KCNIP3: variants seen among roughly 807,000 people sequenced by gnomAD.
KCNIP3 encodes potassium voltage-gated channel interacting protein 3.
Under a neutral mutation model 35.0 loss-of-function variants are expected in KCNIP3, and 28 were observed. That is an observed-to-expected ratio of 0.80 (90% confidence interval 0.59 to 1.10). The LOEUF (loss-of-function observed/expected upper bound fraction) is 1.10. Ranked by LOEUF, KCNIP3 falls within the 50% of genes least tolerant of loss-of-function variation. The pLI is 0.00. For missense variants in KCNIP3, 295 were observed against 338.4 expected (o/e 0.87, Z 1.01); for synonymous variants, 134 against 133.8 (o/e 1.00, Z -0.01).
At chr2:95,379,809 T>C (rs1179474525) in intron 5 of KCNIP3, among the ~76,000 whole-genome samples, 2 of 152,196 alleles carry the variant, frequency 1.3e-5, no homozygotes, top group African/African-American at 4.8e-5. Context: ...CCGATTTTGC[T>C]TTTTCTGTTT....
At chr2:95,381,326 T>C (rs919940443) in intron 5 of KCNIP3, among the ~76,000 whole-genome samples, 2 of 151,660 alleles carry the variant, frequency 1.3e-5, no homozygotes, top group Non-Finnish European at 2.9e-5. Context: ...CACATACAGA[T>C]GCACACCCTC....
intron 2 of KCNIP3, among the ~76,000 whole-genome samples, chr2:95,350,604 G>A (rs1679490676): frequency 6.6e-6 from 1 of 152,196 alleles, no homozygotes; most frequent in South Asian, 2.1e-4. Context: ...CGGAGCAGCA[G>A]GGGTGGGGGC....
chr2:95,375,879 T>C (rs1178932293), intron 5 of KCNIP3, among the ~76,000 whole-genome samples: 1 of 152,228 alleles, frequency 6.6e-6, no homozygotes, highest in African/African-American at 2.4e-5. Context: ...GGAAAACCTT[T>C]CTGAGAGCCG....
intron 2 of KCNIP3, among the ~76,000 whole-genome samples, chr2:95,371,477 C>T (rs1680040285): frequency 6.6e-6 from 1 of 152,164 alleles, no homozygotes; most frequent in Non-Finnish European, 1.5e-5. Flanking sequence ...TTGGTAACCT[C>T]AGGATATGCT....
At chr2:95,331,527 C>T (rs929679118) in intron 2 of KCNIP3, among the ~76,000 whole-genome samples, 16 of 152,096 alleles carry the variant, frequency 1.1e-4, no homozygotes, top group African/African-American at 2.9e-4. Context: ...GCCAAAAGAC[C>T]GAGCAGAAGA....
chr2:95,307,976 C>T lies in KCNIP3; in HGVS notation c.16-2379C>T, dbSNP rs2104206112. On this transcript the variant is annotated intron_variant, in intron 1 of 8. Transcript: ENST00000295225. Reference sequence around the variant, plus strand: ...TAATGGAGAAAGTGCGTTTCTGACCCAGCCTGACAGGACGTGTGTGTGCAT... The same window carrying T: ...TAATGGAGAAAGTGCGTTTCTGACCTAGCCTGACAGGACGTGTGTGTGCAT... 1.3e-5 allele frequency among the ~76,000 whole-genome samples: 2 copies of T among 152,336 alleles called. 1 individual carries two copies. The highest frequency in any genetic ancestry group is 4.1e-4 in the South Asian group (2 of 4,830).
At chr2:95,353,444 C>T (rs1389566828) in intron 2 of KCNIP3, among the ~76,000 whole-genome samples, 1 of 152,210 alleles carries the variant, frequency 6.6e-6, no homozygotes, top group Non-Finnish European at 1.5e-5. Context: ...TCCTGACCCG[C>T]AGGCCCTGCC....
chr2:95,333,511 A>G (rs1678983478), intron 2 of KCNIP3, among the ~76,000 whole-genome samples: 1 of 152,154 alleles, frequency 6.6e-6, no homozygotes. Context: ...CTAGCCTCGA[A>G]GAAGGGAATG....
rs1216072070 is a variant in KCNIP3, at chr2:95,377,761, C to A, written c.447+2553C>A. Among the ~76,000 whole-genome samples, 1 of 152,226 alleles carries A rather than the reference C, an allele frequency of 6.6e-6. No homozygotes were observed. The highest frequency in any genetic ancestry group is 1.5e-5 in the Non-Finnish European group (1 of 68,046). On this transcript the variant is annotated intron_variant, in intron 5 of 8. Transcript: ENST00000295225. The surrounding 1 kb of genome is among the most constrained non-coding windows in gnomAD (Gnocchi z 4.7). ...CCAGTGGCCTAACAGGACATTCCCA[C>A]CATCTCCTAGTACTGTCACTACTGT... is the stretch of plus-strand genomic sequence containing the variant.
intron 2 of KCNIP3, among the ~76,000 whole-genome samples, chr2:95,348,553 A>T (rs548449768): frequency 2.0e-5 from 3 of 152,326 alleles, no homozygotes; most frequent in Admixed American, 2.0e-4. Context: ...AGCCAGCCTC[A>T]CTTCACTTAG....
chr2:95,354,707 T>TG (rs1205786374), intron 2 of KCNIP3, among the ~76,000 whole-genome samples: 4 of 152,206 alleles, frequency 2.6e-5, no homozygotes, highest in Non-Finnish European at 5.9e-5. Context: ...AAGGTGACCT[T>TG]GGGGCCTGTT....
intron 2 of KCNIP3, among the ~76,000 whole-genome samples, chr2:95,323,714 GT>G (rs1217014122): frequency 6.6e-6 from 1 of 152,144 alleles, no homozygotes; most frequent in African/African-American, 2.4e-5. Flanking sequence ...CTTCCAGGAT[GT>G]GTCCTGGCTC....
chr2:95,374,284 G>A lies in KCNIP3; in HGVS notation c.182-12G>A. ...ACAGGCCTTACACTCTCTGGTCTGT[G>A]TCCCACTCCAGATAGCAGCGACAGT... On this transcript the variant is annotated splice_polypyrimidine_tract_variant and intron_variant, in intron 2 of 8. Coordinates refer to ENST00000295225, the MANE Select transcript of KCNIP3 (RefSeq NM_013434.5). The A allele has an allele frequency of 6.2e-7, 1 of 1,613,222 alleles. No homozygotes were observed. Among genetic ancestry groups the A allele is most frequent in the East Asian group, 2.2e-5 (1 of 44,860 alleles).
intron 2 of KCNIP3, among the ~76,000 whole-genome samples, chr2:95,371,600 C>A (rs1209182088): frequency 1.3e-5 from 2 of 152,126 alleles, no homozygotes; most frequent in African/African-American, 2.4e-5. Flanking sequence ...ATACCATTTA[C>A]TGGAAAGGGG....
chr2:95,314,437 G>A (rs1678402151), intron 2 of KCNIP3, among the ~76,000 whole-genome samples: 2 of 152,148 alleles, frequency 1.3e-5, no homozygotes, highest in South Asian at 4.1e-4. Flanking sequence ...ACAAAGATGT[G>A]GCTGAGTCCT....
intron 2 of KCNIP3, among the ~76,000 whole-genome samples, chr2:95,349,184 A>G (rs1055039858): frequency 1.4e-4 from 21 of 151,928 alleles, no homozygotes; most frequent in African/African-American, 5.1e-4. Context: ...GGAAGCTCCC[A>G]TTGGCCAGGC....
intron 2 of KCNIP3, among the ~76,000 whole-genome samples, chr2:95,365,308 T>A (rs1679891931): frequency 6.6e-6 from 1 of 152,040 alleles, no homozygotes; most frequent in Non-Finnish European, 1.5e-5. Context: ...ATTACAGGCG[T>A]GCACCACTGT....
intron 1 of KCNIP3, among the ~76,000 whole-genome samples, chr2:95,307,383 T>A (rs7594144): frequency 1.3e-5 from 2 of 152,172 alleles, no homozygotes; most frequent in African/African-American, 4.8e-5. Context: ...CAGCAAAGCC[T>A]GTGGTCAAGC....
chr2:95,330,300 A>C (rs1463645413), intron 2 of KCNIP3, among the ~76,000 whole-genome samples: 1 of 152,144 alleles, frequency 6.6e-6, no homozygotes, highest in Non-Finnish European at 1.5e-5. Context: ...CTGGGGGTGG[A>C]GGTGAAGCCA....
Sources: allele counts gnomAD v4.1 joint callset (sites outside exome capture counted in the v4.1 genomes callset), GRCh38; gene constraint gnomAD v4.1.1; non-coding constraint Gnocchi (gnomAD v3.1); transcripts MANE v1.5; gene names NCBI Gene and HGNC (gene_info 2026-07-23, HGNC 2026-07-21).